TENM3: variants seen among roughly 807,000 people sequenced by gnomAD.
The protein encoded by TENM3 is teneurin-3.
A neutral mutation model predicts 255.1 loss-of-function variants in TENM3; 63 were observed. The observed-to-expected ratio is 0.25, with a 90% CI of 0.20 to 0.30. The LOEUF is 0.30. TENM3 is among the 10% of genes least tolerant of loss of function. The probability of loss-of-function intolerance (pLI) is 1.00; values close to 1 mark genes in which losing one functional copy is unlikely to be tolerated. For missense variants in TENM3, 2,929 were observed against 3,461.1 expected (o/e 0.85, Z 3.86); for synonymous variants, 1,306 against 1,322.3 (o/e 0.99, Z 0.27).
chr4:181,960,470 C>T, the TENM3 span, among the ~76,000 whole-genome samples: 2 of 152,170 alleles, frequency 1.3e-5, no homozygotes, highest in Admixed American at 6.5e-5. Flanking sequence ...GAAGTCAAGT[C>T]ACAAATGGAT....
At chr4:182,448,281 C>T (rs1033721742) in intron 3 of TENM3, among the ~76,000 whole-genome samples, 2 of 152,158 alleles carry the variant, frequency 1.3e-5, no homozygotes, top group African/African-American at 4.8e-5. Flanking sequence ...CAGGGGCGAG[C>T]GCGGGCTGAG....
chr4:182,149,633 G>C (rs974449597), intron 1 of TENM3, among the ~76,000 whole-genome samples: 1 of 151,910 alleles, frequency 6.6e-6, no homozygotes, highest in Non-Finnish European at 1.5e-5. Context: ...AGCTAGGATC[G>C]GGTAGCACTG....
At chr4:182,705,706 C>CATAT (rs1251489772) in intron 12 of TENM3, among the ~76,000 whole-genome samples, 1 of 152,176 alleles carries the variant, frequency 6.6e-6, no homozygotes, top group Non-Finnish European at 1.5e-5. Flanking sequence ...CGGACAGGAA[C>CATAT]ATATACTCCT....
intron 1 of TENM3, among the ~76,000 whole-genome samples, chr4:182,157,457 G>A (rs1750790944): frequency 6.6e-6 from 1 of 152,212 alleles, no homozygotes; most frequent in African/African-American, 2.4e-5. Flanking sequence ...TGCTGACACA[G>A]TGCCTGGCCC....
the TENM3 span, among the ~76,000 whole-genome samples, chr4:182,030,353 A>C: frequency 6.6e-6 from 1 of 151,670 alleles, no homozygotes; most frequent in Non-Finnish European, 1.5e-5. Flanking sequence ...CTGTCCCTGC[A>C]TTAGTTTGCT....
the TENM3 span, among the ~76,000 whole-genome samples, chr4:181,888,514 A>ATATATATGTGTATATATATATATG: frequency 6.1e-4 from 17 of 27,666 alleles, 1 homozygote; most frequent in South Asian, 0.015. Context: ...ATATATATAT[A>ATATATATGTGTATATATATATATG]TGTATATATA....
At chr4:182,177,021 T>A (rs894471817) in intron 1 of TENM3, among the ~76,000 whole-genome samples, 1 of 151,818 alleles carries the variant, frequency 6.6e-6, no homozygotes, top group Admixed American at 6.6e-5. Flanking sequence ...AGGACAGACA[T>A]TCAAATTTTA....
intron 1 of TENM3, among the ~76,000 whole-genome samples, chr4:182,194,503 G>A (rs868527818): frequency 1.3e-5 from 2 of 152,146 alleles, no homozygotes; most frequent in African/African-American, 4.8e-5. Context: ...CTTCCACGAC[G>A]CTTCTTAAGA....
intron 3 of TENM3, among the ~76,000 whole-genome samples, chr4:182,565,375 T>C (rs1743669413): frequency 6.6e-6 from 1 of 152,238 alleles, no homozygotes; most frequent in Non-Finnish European, 1.5e-5. Context: ...TTTAGTCATA[T>C]CTACACCCAT....
At chr4:182,400,614 A>G (rs1052219184) in intron 3 of TENM3, among the ~76,000 whole-genome samples, 2 of 152,218 alleles carry the variant, frequency 1.3e-5, no homozygotes, top group Non-Finnish European at 2.9e-5. Context: ...GATAAACTTG[A>G]AACAATTTAG....
the TENM3 span, among the ~76,000 whole-genome samples, chr4:182,099,517 T>A: frequency 1.3e-5 from 2 of 152,174 alleles, no homozygotes; most frequent in African/African-American, 2.4e-5. Flanking sequence ...TTTAAATGGT[T>A]GAAAAAATAT....
At chr4:181,539,806 G>A in the TENM3 span, among the ~76,000 whole-genome samples, 3 of 152,208 alleles carry the variant, frequency 2.0e-5, 1 homozygote, top group East Asian at 5.8e-4. Flanking sequence ...AATATATGAT[G>A]AAATTATTCC....
the TENM3 span, among the ~76,000 whole-genome samples, chr4:182,084,122 A>G: frequency 1.3e-5 from 2 of 152,162 alleles, no homozygotes; most frequent in South Asian, 2.1e-4. Flanking sequence ...ACTTGGTAAC[A>G]TACACGCACA....
At chr4:181,706,624 A>G in the TENM3 span, among the ~76,000 whole-genome samples, 1 of 152,224 alleles carries the variant, frequency 6.6e-6, no homozygotes, top group African/African-American at 2.4e-5. Flanking sequence ...AAGCAATTTT[A>G]TATATTCAAT....
At chr4:182,658,177 T>C (rs1753913606) in intron 6 of TENM3, among the ~76,000 whole-genome samples, 1 of 152,280 alleles carries the variant, frequency 6.6e-6, no homozygotes, top group South Asian at 2.1e-4. Context: ...CATGTTTGAG[T>C]TTTTGGAACC....
chr4:182,544,395 A>AG (rs1741213315), intron 3 of TENM3, among the ~76,000 whole-genome samples: 4 of 121,236 alleles, frequency 3.3e-5, no homozygotes, highest in African/African-American at 1.3e-4. Context: ...CAGTGGTGTG[A>AG]TCTTGGCTCA....
At chr4:182,227,933 A>T (rs1283600047) in intron 1 of TENM3, among the ~76,000 whole-genome samples, 1 of 152,098 alleles carries the variant, frequency 6.6e-6, no homozygotes, top group African/African-American at 2.4e-5. Context: ...AAGTCACTTT[A>T]CGTTTCAGCA....
At chr4:182,675,602 G>T (rs1230707198) in intron 7 of TENM3, among the ~76,000 whole-genome samples, 1 of 151,470 alleles carries the variant, frequency 6.6e-6, no homozygotes, top group Non-Finnish European at 1.5e-5. Context: ...TTCAATTATA[G>T]TAGACAGATT....
the TENM3 span, among the ~76,000 whole-genome samples, chr4:181,856,784 C>T: frequency 6.6e-6 from 1 of 152,134 alleles, no homozygotes; most frequent in Non-Finnish European, 1.5e-5. Context: ...AGCTTCTGCT[C>T]TGTACACACC....
Sources: allele counts gnomAD v4.1 joint callset (sites outside exome capture counted in the v4.1 genomes callset), GRCh38; gene constraint gnomAD v4.1.1; transcripts MANE v1.5; gene names NCBI Gene and HGNC (gene_info 2026-07-23, HGNC 2026-07-21).